Variants in EEF1AKMT4 observed in about 807,000 individuals in gnomAD.
EEF1AKMT4 encodes eukaryotic translation elongation factor 1 alpha lysine specific methyltransferase 4.
A neutral mutation model predicts 23.0 loss-of-function variants in EEF1AKMT4; 17 were observed. That is an observed-to-expected ratio of 0.74 (90% confidence interval 0.51 to 1.11). The LOEUF (loss-of-function observed/expected upper bound fraction) is 1.11, where lower values mean the gene tolerates loss of function less well. EEF1AKMT4 is among the 50% of genes least tolerant of loss of function. The pLI is 0.00. For synonymous variants in EEF1AKMT4, 140 were observed against 141.4 expected, an observed-to-expected ratio of 0.99 and a Z score of 0.07; for missense variants, 318 against 333.4, an observed-to-expected ratio of 0.95 and a Z score of 0.36.
At chr3:184,253,667 T>C (rs908841381) in intron 1 of EEF1AKMT4, among the ~76,000 whole-genome samples, 1 of 123,328 alleles carries the variant, frequency 8.1e-6, no homozygotes, top group African/African-American at 3.4e-5. Flanking sequence ...GTAATAATAG[T>C]GTCTTTTTTT....
intron 1 of EEF1AKMT4, among the ~76,000 whole-genome samples, chr3:184,255,026 A>G (rs1719734500): frequency 1.3e-5 from 2 of 152,194 alleles, no homozygotes; most frequent in Non-Finnish European, 2.9e-5. Context: ...TGCTTGTAAA[A>G]ATGACTGCCC....
chr3:184,257,886 G>A, intron 2 of EEF1AKMT4, 130 bp downstream of exon 2: 1 of 1,199,394 alleles, frequency 8.3e-7, no homozygotes, highest in African/African-American at 1.5e-5. Flanking sequence ...TCAGGAGTGT[G>A]GCTCTCTGAA....
Position 184,257,667 on chromosome 3 carries a change from G to A in EEF1AKMT4, c.391G>A (p.Gly131Ser). 2 of 1,614,194 alleles carry A rather than the reference G, an allele frequency of 1.2e-6. No individual in the cohort carries two copies. The highest frequency in any genetic ancestry group is 1.7e-6 in the Non-Finnish European group (2 of 1,180,046). ...TTCTTTTGATGTGGTGCTCGAGAAG[G>A]GCACGCTGGATGCCCTGCTGGCTGG... The part of the protein sequence containing the change: ...SASFDVVLEK[G>S]TLDALLAGER... The change falls in exon 2 of 3, where the codon GGC becomes AGC. Residue 131 changes from glycine (G) to serine (S), a missense_variant. By Grantham distance (56) the Gly-to-Ser change is moderately conservative. Transcript: ENST00000324557.
intron 1 of EEF1AKMT4, among the ~76,000 whole-genome samples, chr3:184,256,272 C>CAAAAAAAAGAAAAA (rs1719794724): frequency 1.8e-5 from 1 of 54,206 alleles, no homozygotes; most frequent in Non-Finnish European, 3.7e-5. Context: ...AACTCCATCT[C>CAAAAAAAAGAAAAA]AAAAAAAAAA....
At chr3:184,250,480 C>T (rs1243416714) in intron 1 of EEF1AKMT4, among the ~76,000 whole-genome samples, 1 of 152,258 alleles carries the variant, frequency 6.6e-6, no homozygotes, top group Admixed American at 6.5e-5. Flanking sequence ...TGATACGATT[C>T]CCCAAAGGGA....
chr3:184,254,653 C>A (rs1719717270), intron 1 of EEF1AKMT4, among the ~76,000 whole-genome samples: 1 of 149,180 alleles, frequency 6.7e-6, no homozygotes, highest in South Asian at 2.1e-4. Flanking sequence ...GCGGAGCTTG[C>A]AATGAGCGGA....
chr3:184,256,002 G>A lies in EEF1AKMT4; in HGVS notation c.197-1471G>A, dbSNP rs55699105. Among the ~76,000 whole-genome samples the A allele has an allele frequency of 2.5e-3, 382 of 152,252 alleles. 1 individual carries two copies. Among genetic ancestry groups the A allele is most frequent in the African/African-American group, 8.7e-3 (361 of 41,542 alleles). The stretch of plus-strand genomic sequence containing the variant: ...GCTCAATACATACGTTAAGAATTGC[G>A]GCCAGGTGTGGTGGCTCATGCCTAT... On this transcript the variant is annotated intron_variant, in intron 1 of 2. Transcript: ENST00000324557.
rs1054976165 is a variant in EEF1AKMT4 at position 184,258,380 on chromosome 3, T to C, written c.573T>C (p.Tyr191=). 3.1e-6 allele frequency: 5 copies of C among 1,613,872 alleles called. No individual in the cohort carries two copies. The African/African-American group carries it at 5.3e-5, about 17-fold the overall frequency. The change falls in exon 3 of 3, where the codon TAT becomes TAC. Residue 191 remains tyrosine (Y), a synonymous_variant. Coordinates refer to ENST00000324557, the MANE Select transcript of EEF1AKMT4 (RefSeq NM_032331.4). The part of the protein sequence containing the change: ...FRTRHYAQAY[Y]GWSLRHATYG... Reference sequence around the variant, plus strand: ...CCAGACACTATGCCCAAGCCTATTATGGCTGGTCCCTGAGGCATGCTACCT... The same window carrying C: ...CCAGACACTATGCCCAAGCCTATTACGGCTGGTCCCTGAGGCATGCTACCT...
chr3:184,255,981 A>C (rs1719779492), intron 1 of EEF1AKMT4, among the ~76,000 whole-genome samples: 1 of 152,228 alleles, frequency 6.6e-6, no homozygotes, highest in Non-Finnish European at 1.5e-5. Flanking sequence ...TGTAGTGCTC[A>C]ATACATACGT....
At position 184,249,686 on chromosome 3, in the gene EEF1AKMT4, G is replaced by C. The variant is rs1412191815; in HGVS notation, c.-9G>C. On this transcript the variant is annotated 5_prime_UTR_variant, in exon 1 of 3. Coordinates refer to ENST00000324557, the MANE Select transcript of EEF1AKMT4 (RefSeq NM_032331.4). ...GGCCGGCGGCTCTGGCTGCCCGGCG[G>C]TTGAGAGCATGGCCTCTCCAGGGGC... 6.3e-7 allele frequency: 1 copy of C among 1,587,244 alleles called. No homozygotes were observed. Among genetic ancestry groups the C allele is most frequent in the Admixed American group, 1.7e-5 (1 of 58,330 alleles).
intron 1 of EEF1AKMT4, among the ~76,000 whole-genome samples, chr3:184,255,776 C>T (rs1330676334): frequency 2.6e-5 from 4 of 152,216 alleles, no homozygotes; most frequent in Non-Finnish European, 5.9e-5. Flanking sequence ...CAAGACTTTG[C>T]TTGGTTGTCA....
intron 2 of EEF1AKMT4, 32 bp downstream of exon 2, chr3:184,257,788 A>G (rs757653692): frequency 1.3e-6 from 2 of 1,587,294 alleles, no homozygotes; most frequent in South Asian, 1.1e-5. Flanking sequence ...AAAGCAGATC[A>G]ATAGGTGGGG....
chr3:184,258,061 C>G (rs1719893552), intron 2 of EEF1AKMT4, among the ~76,000 whole-genome samples: 1 of 152,092 alleles, frequency 6.6e-6, no homozygotes, highest in Non-Finnish European at 1.5e-5. Flanking sequence ...GAAAGTGGTG[C>G]CCCTATACCT....
intron 1 of EEF1AKMT4, among the ~76,000 whole-genome samples, chr3:184,255,469 C>T (rs1472789243): frequency 6.6e-6 from 1 of 152,210 alleles, no homozygotes; most frequent in African/African-American, 2.4e-5. Context: ...AACTGCTGAT[C>T]CCATGATCCT....
chr3:184,252,525 G>A (rs1397370050), intron 1 of EEF1AKMT4, among the ~76,000 whole-genome samples: 1 of 152,100 alleles, frequency 6.6e-6, no homozygotes, highest in Non-Finnish European at 1.5e-5. Flanking sequence ...CCAGGTTAGG[G>A]GTCTGTAAAC....
At chr3:184,258,265 T>C (rs1470587859) in intron 2 of EEF1AKMT4, 23 bp from the exon 3 acceptor site, 2 of 1,591,316 alleles carry the variant, frequency 1.3e-6, no homozygotes, top group Non-Finnish European at 1.7e-6. Context: ...TTCTCACCAA[T>C]GGCTTCTCTG....
intron 1 of EEF1AKMT4, among the ~76,000 whole-genome samples, chr3:184,257,197 G>A (rs1719845057): frequency 7.8e-6 from 1 of 127,402 alleles, no homozygotes; most frequent in African/African-American, 3.1e-5. Flanking sequence ...GCGACCGAGT[G>A]AGAATTCATC....
intron 2 of EEF1AKMT4, 118 bp from the exon 3 acceptor site, chr3:184,258,170 T>G: frequency 3.0e-5 from 29 of 973,456 alleles, no homozygotes; most frequent in Non-Finnish European, 3.8e-5. Flanking sequence ...ATGGAAAGCC[T>G]GAGCTACAGA....
At position 184,257,675 on chromosome 3, in the gene EEF1AKMT4, G is replaced by A; in HGVS notation, c.399G>A (p.Leu133=). ...SFDVVLEKGT[L]DALLAGERDP... The stretch of plus-strand genomic sequence containing the variant: ...ATGTGGTGCTCGAGAAGGGCACGCT[G>A]GATGCCCTGCTGGCTGGGGAACGAG... The change falls in exon 2 of 3, where the codon CTG becomes CTA. Residue 133 remains leucine (L), a synonymous_variant. Coordinates refer to ENST00000324557, the MANE Select transcript of EEF1AKMT4 (RefSeq NM_032331.4). The A allele has an allele frequency of 1.2e-6, 2 of 1,614,186 alleles. No individual in the cohort carries two copies. The highest frequency in any genetic ancestry group is 1.7e-6 in the Non-Finnish European group (2 of 1,180,034).
Sources: gnomAD v4.1 joint callset for allele counts (sites outside exome capture counted in the v4.1 genomes callset) on GRCh38, gnomAD v4.1.1 for gene constraint, MANE v1.5 for transcripts, NCBI Gene and HGNC (gene_info 2026-07-23, HGNC 2026-07-21) for gene names.